The following GLB1L3 variants were observed in gnomAD, a reference collection of about 807,000 sequenced individuals.
GLB1L3 encodes galactosidase beta 1 like 3.
A neutral mutation model predicts 89.5 loss-of-function variants in GLB1L3; 89 were observed. The ratio of observed to expected loss-of-function variants is 0.99; its 90% CI spans 0.84 to 1.19. The LOEUF (loss-of-function observed/expected upper bound fraction) is 1.19. Among genes scored for constraint, GLB1L3 ranks in the 50% most tolerant of loss-of-function variants. The pLI, the probability that GLB1L3 is intolerant of heterozygous loss-of-function variation, is 0.00. For missense variants in GLB1L3, 812 were observed against 813.3 expected (o/e 1.00, Z 0.02); for synonymous variants, 314 against 312.3 (o/e 1.01, Z -0.06).
chr11:134,313,576 C>A, intron 16 of GLB1L3, 102 bp downstream of exon 16: 1 of 1,008,396 alleles, frequency 9.9e-7, no homozygotes. Flanking sequence ...AGCCGCTCAG[C>A]AGTGGGCTAC....
At chr11:134,276,346 G>C (rs1032527403), upstream of GLB1L3, 1 of 189,502 alleles carries the variant, frequency 5.3e-6, no homozygotes, top group Admixed American at 6.2e-5. Context: ...TGTGCCCCGC[G>C]CTGCGCTCTC....
intron 3 of GLB1L3, among the ~76,000 whole-genome samples, chr11:134,278,659 A>G (rs544864986): frequency 6.6e-6 from 1 of 152,218 alleles, no homozygotes; most frequent in Admixed American, 6.5e-5. Flanking sequence ...TGCCACCACC[A>G]TTTTGTGGCA....
chr11:134,283,916 C>A, intron 6 of GLB1L3, 71 bp downstream of exon 6: 1 of 848,712 alleles, frequency 1.2e-6, no homozygotes, highest in Non-Finnish European at 2.0e-6. Flanking sequence ...GGCTTGATCA[C>A]TGAAGAGGCC....
intron 3 of GLB1L3, among the ~76,000 whole-genome samples, chr11:134,279,901 T>C (rs1940596458): frequency 6.6e-6 from 1 of 152,142 alleles, no homozygotes; most frequent in Admixed American, 6.5e-5. Context: ...CTCTACTTTA[T>C]TAAATATAGT....
chr11:134,289,885 A>G (rs886909128), intron 7 of GLB1L3, among the ~76,000 whole-genome samples: 8 of 149,746 alleles, frequency 5.3e-5, no homozygotes, highest in African/African-American at 1.9e-4. Flanking sequence ...GAACCCCACC[A>G]TGGGCTGCCA....
At chr11:134,316,392 A>G (rs1260669204) in intron 18 of GLB1L3, among the ~76,000 whole-genome samples, 1 of 152,152 alleles carries the variant, frequency 6.6e-6, no homozygotes, top group African/African-American at 2.4e-5. Flanking sequence ...ATACAGAAAA[A>G]ATAAGTTGTA....
rs1233528616 is a variant in GLB1L3, at chr11:134,312,123, G to A, written c.1288-226G>A. On this transcript the variant is annotated intron_variant, in intron 13 of 19. Transcript: ENST00000431683. ...ATTTCCTCTGTTAATCAGTTCTTAG[G>A]ATTATAACGATTGCTCCCTCATCAC... 32 of 546,068 alleles carry A rather than the reference G, an allele frequency of 5.9e-5. No individual in the cohort carries two copies. In the South Asian group the frequency reaches 8.0e-4, roughly 14 times the overall value. The allele number at this position is 546,068 out of a possible 1,614,324, so 33.8% of individuals were successfully genotyped here.
chr11:134,308,520 TGTCCACCACCACTACCAC>T lies in GLB1L3; in HGVS notation c.962-1105_962-1088del, dbSNP rs1565414267. Among the ~76,000 whole-genome samples, 52 of 25,310 alleles carry T rather than the reference TGTCCACCACCACTACCAC, an allele frequency of 2.1e-3. 1 individual carries two copies. Among genetic ancestry groups the T allele is most frequent in the Middle Eastern group, 0.059 (2 of 34 alleles). 16.6% of individuals were successfully genotyped at this position (25,310 alleles called of 152,430 possible). On this transcript the variant is annotated intron_variant, in intron 10 of 19. Coordinates refer to ENST00000431683, the MANE Select transcript of GLB1L3 (RefSeq NM_001080407.3). ...CCAAATACCACCACCACCACCACCA[TGTCCACCACCACTACCAC>T]CACCATCACCATCACCATCACCACC...
chr11:134,318,109 C>G (rs532222135), intron 18 of GLB1L3, among the ~76,000 whole-genome samples: 1 of 152,146 alleles, frequency 6.6e-6, no homozygotes, highest in East Asian at 1.9e-4. Context: ...CAACCTTTGC[C>G]CTTTAATTTG....
downstream of GLB1L3, among the ~76,000 whole-genome samples, chr11:134,320,146 C>T (rs1434388119): frequency 6.6e-6 from 1 of 152,130 alleles, no homozygotes; most frequent in Non-Finnish European, 1.5e-5. Context: ...AACCAATGCA[C>T]TATAAGCAAA....
intron 15 of GLB1L3, 121 bp downstream of exon 15, chr11:134,313,008 G>A (rs1942818441): frequency 1.3e-6 from 1 of 775,874 alleles, no homozygotes; most frequent in South Asian, 1.6e-5. Context: ...CTCACCTGGG[G>A]CGGCGGCAGG....
At chr11:134,310,349 G>A in intron 11 of GLB1L3, 1 of 546,524 alleles carries the variant, frequency 1.8e-6, no homozygotes, top group South Asian at 2.7e-5. Context: ...TGAAGAAGTG[G>A]GGGCAAGCCC....
rs1943124393 is a variant in GLB1L3, at chr11:134,319,504, C to T, written c.*562C>T. Reference sequence around the variant, plus strand: ...AGTTAAATGCTTAATCCTTAGCAGGCTCTTATTCTTTAATTAAACGTGCCT... The same window carrying T: ...AGTTAAATGCTTAATCCTTAGCAGGTTCTTATTCTTTAATTAAACGTGCCT... On this transcript the variant is annotated 3_prime_UTR_variant, in exon 20 of 20. Coordinates refer to ENST00000431683, the MANE Select transcript of GLB1L3 (RefSeq NM_001080407.3). 6.6e-6 allele frequency: 1 copy of T among 151,954 alleles called. No homozygotes were observed. Among genetic ancestry groups the T allele is most frequent in the African/African-American group, 2.4e-5 (1 of 41,332 alleles). 9.4% of individuals were successfully genotyped at this position (151,954 alleles called of 1,614,324 possible).
intron 8 of GLB1L3, chr11:134,292,916 C>T: frequency 1.7e-6 from 1 of 604,502 alleles, no homozygotes; most frequent in Non-Finnish European, 3.0e-6. Flanking sequence ...CACTTCTCTG[C>T]ACAGAGTGTG....
At chr11:134,308,649 CCA>C (rs1942552103) in intron 10 of GLB1L3, among the ~76,000 whole-genome samples, 1 of 149,068 alleles carries the variant, frequency 6.7e-6, no homozygotes, top group Admixed American at 6.6e-5. Flanking sequence ...ACCATCACCA[CCA>C]TCATCACCAC....
chr11:134,295,480 T>G (rs573161825), intron 9 of GLB1L3, among the ~76,000 whole-genome samples: 1 of 152,212 alleles, frequency 6.6e-6, no homozygotes, highest in African/African-American at 2.4e-5. Flanking sequence ...CTTTCAGTCC[T>G]AATATTGCTA....
intron 7 of GLB1L3, among the ~76,000 whole-genome samples, chr11:134,291,747 G>A (rs999159830): frequency 2.6e-5 from 4 of 152,160 alleles, no homozygotes; most frequent in African/African-American, 9.7e-5. Flanking sequence ...GTACAAGGCG[G>A]GAGGCTCACT....
intron 11 of GLB1L3, 124 bp downstream of exon 11, chr11:134,309,887 G>A (rs1356878247): frequency 1.3e-5 from 14 of 1,055,912 alleles, no homozygotes; most frequent in African/African-American, 3.2e-5. Context: ...GAGTACTGAA[G>A]ATTTTCCTAT....
chr11:134,304,894 A>T (rs528917205), intron 9 of GLB1L3, among the ~76,000 whole-genome samples: 2 of 152,166 alleles, frequency 1.3e-5, no homozygotes, highest in Admixed American at 6.5e-5. Flanking sequence ...TTTTAAATGT[A>T]GATTCTATTG....
Sources: gnomAD v4.1 joint callset for allele counts (sites outside exome capture counted in the v4.1 genomes callset) on GRCh38, gnomAD v4.1.1 for gene constraint, MANE v1.5 for transcripts, NCBI Gene and HGNC (gene_info 2026-07-23, HGNC 2026-07-21) for gene names.